The following SPIRE1 variants were observed in gnomAD, a reference collection of about 807,000 sequenced individuals.
SPIRE1 encodes protein spire homolog 1.
A neutral mutation model predicts 94.1 loss-of-function variants in SPIRE1; 40 were observed. The observed-to-expected ratio is 0.43, with a 90% CI of 0.33 to 0.55. The LOEUF is 0.55. SPIRE1 is among the 20% of genes least tolerant of loss of function. The pLI, the probability that SPIRE1 is intolerant of heterozygous loss-of-function variation, is 0.06. For synonymous variants in SPIRE1, 376 were observed against 371.7 expected (o/e 1.01, Z -0.13); for missense variants, 838 against 975.2 (o/e 0.86, Z 1.87).
intron 2 of SPIRE1, among the ~76,000 whole-genome samples, chr18:12,571,616 G>A (rs1429280220): frequency 2.0e-5 from 3 of 152,162 alleles, no homozygotes; most frequent in Non-Finnish European, 4.4e-5. Flanking sequence ...TTTTTCCACT[G>A]TGTTCACAAA....
At chr18:12,508,774 A>C (rs2033925926) in intron 5 of SPIRE1, among the ~76,000 whole-genome samples, 2 of 151,400 alleles carry the variant, frequency 1.3e-5, no homozygotes, top group South Asian at 4.2e-4. Context: ...TCCCGGGTTC[A>C]AGTGATTCTC....
chr18:12,618,801 T>C (rs922132745), intron 2 of SPIRE1, among the ~76,000 whole-genome samples: 2 of 152,196 alleles, frequency 1.3e-5, no homozygotes, highest in Non-Finnish European at 2.9e-5. Flanking sequence ...ATTTAAATAT[T>C]CTCTCATAAA....
intron 4 of SPIRE1, among the ~76,000 whole-genome samples, chr18:12,526,393 C>G (rs2034524920): frequency 6.6e-6 from 1 of 152,138 alleles, no homozygotes; most frequent in Admixed American, 6.6e-5. Flanking sequence ...GTGCATGGTC[C>G]CTTTGGTGGC....
At chr18:12,471,021 A>C (rs2032337093) in intron 10 of SPIRE1, among the ~76,000 whole-genome samples, 1 of 151,730 alleles carries the variant, frequency 6.6e-6, no homozygotes, top group African/African-American at 2.4e-5. Context: ...AAAGAGGATC[A>C]AGCAGGGCTC....
At chr18:12,573,512 C>G (rs1034831787) in intron 2 of SPIRE1, among the ~76,000 whole-genome samples, 4 of 152,186 alleles carry the variant, frequency 2.6e-5, no homozygotes, top group African/African-American at 9.7e-5. Context: ...CAAAAACCTG[C>G]ACATGAATGT....
At chr18:12,486,095 T>A in intron 8 of SPIRE1, 95 bp from the exon 9 acceptor site, 1 of 886,228 alleles carries the variant, frequency 1.1e-6, no homozygotes, top group Non-Finnish European at 1.7e-6. Flanking sequence ...TGAAGACCCT[T>A]AGTGGCTACA....
In SPIRE1 at chr18:12,646,543, C is replaced by T. The variant is rs77233849; in HGVS notation, c.337+10987G>A. On this transcript the variant is annotated intron_variant, in intron 1 of 16. Transcript: ENST00000409402. ...TATTTTCACTAAAAATCCAGGAAGA[C>T]ATGACCAAACCCTGGGACCAGGCAA... 5.4e-4 allele frequency among the ~76,000 whole-genome samples: 82 copies of T among 152,220 alleles called. 1 individual carries two copies. In the East Asian group the frequency reaches 9.3e-3, roughly 17 times the overall value.
chr18:12,471,993 C>T (rs2143686134), intron 10 of SPIRE1, among the ~76,000 whole-genome samples: 1 of 152,190 alleles, frequency 6.6e-6, no homozygotes, highest in Non-Finnish European at 1.5e-5. Context: ...CCATGTTGGC[C>T]AGGCTAGTCT....
chr18:12,595,706 C>T (rs764353549), intron 2 of SPIRE1, among the ~76,000 whole-genome samples: 24 of 152,180 alleles, frequency 1.6e-4, no homozygotes, highest in Non-Finnish European at 3.2e-4. Context: ...ATAGTCCTTG[C>T]CCTCAAAGGG....
At chr18:12,492,517 A>T (rs1004795367) in intron 8 of SPIRE1, among the ~76,000 whole-genome samples, 2 of 152,252 alleles carry the variant, frequency 1.3e-5, no homozygotes, top group African/African-American at 4.8e-5. Flanking sequence ...CGGTAATAAC[A>T]TGCTTTCATG....
upstream of SPIRE1, among the ~76,000 whole-genome samples, chr18:12,659,396 A>T (rs1032928996): frequency 2.6e-5 from 4 of 152,298 alleles, no homozygotes; most frequent in East Asian, 7.7e-4. Flanking sequence ...GGCCGTGCGC[A>T]GTGGCTTAGG....
chr18:12,608,115 G>A (rs1042024131), intron 2 of SPIRE1, among the ~76,000 whole-genome samples: 3 of 145,544 alleles, frequency 2.1e-5, no homozygotes, highest in Middle Eastern at 3.6e-3. Flanking sequence ...CCGAGATCGC[G>A]CCACTGCACT....
intron 2 of SPIRE1, among the ~76,000 whole-genome samples, chr18:12,552,757 G>A (rs927290112): frequency 6.6e-6 from 1 of 152,048 alleles, no homozygotes; most frequent in African/African-American, 2.4e-5. Flanking sequence ...GACCCCCTTA[G>A]AGTTGTGAGC....
At position 12,541,855 on chromosome 18, in the gene SPIRE1, C is replaced by CAA. The variant is rs57869091; in HGVS notation, c.603+4817_603+4818dup. ...GTTTTAAATTTTCTAGTAGCCACAT[C>CAA]AAAAAAAAATAAAAAGAAACAAGTG... On this transcript the variant is annotated intron_variant, in intron 3 of 16. Coordinates refer to ENST00000409402, the MANE Select transcript of SPIRE1 (RefSeq NM_001128626.2). 2.5e-3 allele frequency among the ~76,000 whole-genome samples: 372 copies of CAA among 149,528 alleles called. 3 individuals are homozygous for CAA. Among genetic ancestry groups the CAA allele is most frequent in the African/African-American group, 8.9e-3 (359 of 40,364 alleles).
intron 2 of SPIRE1, among the ~76,000 whole-genome samples, chr18:12,629,333 A>G (rs2037714192): frequency 1.3e-5 from 2 of 152,230 alleles, no homozygotes; most frequent in South Asian, 4.1e-4. Context: ...ATATTTAGCA[A>G]TTTTCTTCAA....
chr18:12,538,359 G>A (rs1438319357), intron 3 of SPIRE1, among the ~76,000 whole-genome samples: 1 of 152,058 alleles, frequency 6.6e-6, no homozygotes, highest in Non-Finnish European at 1.5e-5. Flanking sequence ...TAACATTGCT[G>A]GGTTTCCATT....
chr18:12,547,504 C>T (rs1391313230), intron 2 of SPIRE1, among the ~76,000 whole-genome samples: 3 of 152,192 alleles, frequency 2.0e-5, no homozygotes, highest in African/African-American at 4.8e-5. Flanking sequence ...CATACCACCT[C>T]GACAACTGCT....
At chr18:12,516,530 T>C (rs2034200220) in intron 4 of SPIRE1, among the ~76,000 whole-genome samples, 1 of 152,186 alleles carries the variant, frequency 6.6e-6, no homozygotes, top group Non-Finnish European at 1.5e-5. Context: ...GATCCAACTA[T>C]GCCTAAAACT....
At chr18:12,574,750 T>C (rs2036048564) in intron 2 of SPIRE1, among the ~76,000 whole-genome samples, 1 of 152,070 alleles carries the variant, frequency 6.6e-6, no homozygotes, top group South Asian at 2.1e-4. Flanking sequence ...AAACATTCAG[T>C]GGCTGGCCAG....
Sources: allele counts gnomAD v4.1 joint callset (sites outside exome capture counted in the v4.1 genomes callset), GRCh38; gene constraint gnomAD v4.1.1; transcripts MANE v1.5; gene names NCBI Gene and HGNC (gene_info 2026-07-23, HGNC 2026-07-21).